SNN: variants seen among roughly 807,000 people sequenced by gnomAD.
SNN encodes the protein AG8_1.
Under a neutral mutation model 5.3 loss-of-function variants are expected in SNN, and 5 were observed. That is an observed-to-expected ratio of 0.94 (90% CI 0.49 to 1.97). SNN has a LOEUF of 1.97. Among genes scored for constraint, SNN ranks in the 30% most tolerant of loss-of-function variants. SNN has a pLI of 0.01. For synonymous variants in SNN, 67 were observed against 52.1 expected, an observed-to-expected ratio of 1.29 and a Z score of -1.24; for missense variants, 127 against 121.6, an observed-to-expected ratio of 1.04 and a Z score of -0.21.
rs1054927271 is a variant in SNN, at chr16:11,677,493, T to C, written c.*1167T>C. The C allele has an allele frequency of 6.0e-6, 1 of 167,004 alleles. No individual in the cohort carries two copies. The highest frequency in any genetic ancestry group is 1.5e-5 in the Non-Finnish European group (1 of 68,126). 10.3% of individuals were successfully genotyped at this position (167,004 alleles called of 1,614,324 possible). On this transcript the variant is annotated 3_prime_UTR_variant, in exon 2 of 2. Coordinates refer to ENST00000329565, the MANE Select transcript of SNN (RefSeq NM_003498.6). The surrounding 1 kb of genome is among the most constrained non-coding windows in gnomAD (Gnocchi z 4.2). ...CAGGGAACATTTCTCACGTGCACAT[T>C]CCCCTAAGAGCCACCAGACTGCTTC...
chr16:11,671,493 C>T lies in SNN; in HGVS notation c.-86+2953C>T, dbSNP rs918995600. The stretch of plus-strand genomic sequence containing the variant: ...TCCCATCCTGCCTTCTGGCTTTTTG[C>T]TTCACCTCCCTGCGTGCGCCTCAGT... On this transcript the variant is annotated intron_variant, in intron 1 of 1. Coordinates refer to ENST00000329565, the MANE Select transcript of SNN (RefSeq NM_003498.6). This position sits in a 1 kb window ranked among gnomAD's most constrained non-coding sequence, Gnocchi z 4.7. 6.6e-6 allele frequency among the ~76,000 whole-genome samples: 1 copy of T among 152,150 alleles called. No individual in the cohort carries two copies. Among genetic ancestry groups the T allele is most frequent in the Non-Finnish European group, 1.5e-5 (1 of 68,004 alleles).
In SNN at chr16:11,671,057, A is replaced by G. The variant is rs530512532; in HGVS notation, c.-86+2517A>G. Reference sequence around the variant, plus strand: ...GGGGAGGAGTGGCCAAGGGCGGTGCAGGCCCCCGCTCACCTGGCATGGCTC... The same window carrying G: ...GGGGAGGAGTGGCCAAGGGCGGTGCGGGCCCCCGCTCACCTGGCATGGCTC... On this transcript the variant is annotated intron_variant, in intron 1 of 1. Transcript: ENST00000329565. The surrounding 1 kb of genome is among the most constrained non-coding windows in gnomAD (Gnocchi z 4.7). Among the ~76,000 whole-genome samples, 1 of 152,358 alleles carries G rather than the reference A, an allele frequency of 6.6e-6. No individual in the cohort carries two copies. Among genetic ancestry groups the G allele is most frequent in the African/African-American group, 2.4e-5 (1 of 41,582 alleles).
Position 11,679,128 on chromosome 16 carries a change from A to C in SNN, c.*2802A>C. The C allele has an allele frequency of 2.0e-6, 3 of 1,500,292 alleles. No individual in the cohort carries two copies. The highest frequency in any genetic ancestry group is 2.7e-6 in the Non-Finnish European group (3 of 1,104,748). The allele number at this position is 1,500,292 out of a possible 1,614,324, so 92.9% of individuals were successfully genotyped here. On this transcript the variant is annotated 3_prime_UTR_variant, in exon 2 of 2. Transcript: ENST00000329565. The surrounding 1 kb of genome is among the most constrained non-coding windows in gnomAD (Gnocchi z 4.6). ...ATCTTTATTTACAATAAATTTCAAT[A>C]AAATTTGCATAAATATATTCCCAAT... is the stretch of plus-strand genomic sequence containing the variant.
At position 11,678,933 on chromosome 16, in the gene SNN, G is replaced by C. The variant is rs1436272209; in HGVS notation, c.*2607G>C. The C allele has an allele frequency of 1.9e-5, 9 of 464,934 alleles. No individual in the cohort carries two copies. The highest frequency in any genetic ancestry group is 3.2e-5 in the Non-Finnish European group (8 of 252,986). The allele number at this position is 464,934 out of a possible 1,614,324, so 28.8% of individuals were successfully genotyped here. ...GTGGGGGCACAGGGAGGGAACTCTTGACACTGAGCCACTAAAATATGGACT... is the reference window on the plus strand; with the variant it reads ...GTGGGGGCACAGGGAGGGAACTCTTCACACTGAGCCACTAAAATATGGACT... On this transcript the variant is annotated 3_prime_UTR_variant, in exon 2 of 2. Transcript: ENST00000329565.
chr16:11,678,335 G>C lies in SNN; in HGVS notation c.*2009G>C, dbSNP rs576694862. The C allele has an allele frequency of 4.1e-4, 68 of 167,180 alleles. No homozygotes were observed. Among genetic ancestry groups the C allele is most frequent in the African/African-American group, 1.5e-3 (64 of 41,524 alleles). 10.4% of individuals were successfully genotyped at this position (167,180 alleles called of 1,614,324 possible). On this transcript the variant is annotated 3_prime_UTR_variant, in exon 2 of 2. Transcript: ENST00000329565. ...TCCCCTCACGTTTCAGAACTTCCAG[G>C]CTTTCTACCTCGACTCTCACCACAG...
intron 1 of SNN, among the ~76,000 whole-genome samples, chr16:11,669,821 G>A (rs147321734): frequency 9.7e-4 from 148 of 152,258 alleles, no homozygotes; most frequent in African/African-American, 3.4e-3. Flanking sequence ...AGAGCTCTGC[G>A]GGCTCCCGCT....
chr16:11,676,426 CACTT>C lies in SNN; in HGVS notation c.*101_*104del, dbSNP rs2050305079. ...GCTGCTGTCTGAGAGGAAGGGCTGACACTTGCTGGCATGGCCTCTGCGGGCTTCG... is the reference window on the plus strand; with the variant it reads ...GCTGCTGTCTGAGAGGAAGGGCTGACGCTGGCATGGCCTCTGCGGGCTTCG... On this transcript the variant is annotated 3_prime_UTR_variant, in exon 2 of 2. Transcript: ENST00000329565. 8.7e-6 allele frequency: 12 copies of C among 1,385,080 alleles called. No homozygotes were observed. In the East Asian group the frequency reaches 2.5e-4, roughly 29 times the overall value. 85.8% of individuals were successfully genotyped at this position (1,385,080 alleles called of 1,614,324 possible).
intron 1 of SNN, among the ~76,000 whole-genome samples, chr16:11,675,598 C>A (rs1353857387): frequency 1.3e-5 from 2 of 152,172 alleles, no homozygotes; most frequent in Admixed American, 1.3e-4. Context: ...CATCTCTGGC[C>A]ATTAGGAGGC....
In SNN at chr16:11,668,623, G is replaced by C. The variant is rs1460992786; in HGVS notation, c.-86+83G>C. 2.4e-4 allele frequency: 35 copies of C among 145,476 alleles called. 2 individuals are homozygous for C. The South Asian group carries it at 6.4e-3, about 27-fold the overall frequency. 9.0% of individuals were successfully genotyped at this position (145,476 alleles called of 1,614,324 possible). A position where few individuals can be genotyped will look rare whatever the true frequency, so the allele number is the denominator to read the frequency against. On this transcript the variant is annotated intron_variant, in intron 1 of 1. Transcript: ENST00000329565. The surrounding 1 kb of genome is among the most constrained non-coding windows in gnomAD (Gnocchi z 6.8). The stretch of plus-strand genomic sequence containing the variant: ...GGCGGGAAGGGGGAGGCCAGGACGA[G>C]GAGGGGCGCGCGCGGCGGCGGGGCC...
In SNN at chr16:11,678,531, A is replaced by AGTCACT. The variant is rs2050327794; in HGVS notation, c.*2205_*2206insGTCACT. ...CCAGTGAAGTTTCGGTTTTGAAGTGATTAAATGTCACTTCCTCATCAGTTT... is the reference window on the plus strand; with the variant it reads ...CCAGTGAAGTTTCGGTTTTGAAGTGAGTCACTTTAAATGTCACTTCCTCATCAGTTT... On this transcript the variant is annotated 3_prime_UTR_variant, in exon 2 of 2. Transcript: ENST00000329565. The AGTCACT allele has an allele frequency of 2.4e-5, 4 of 167,022 alleles. No homozygotes were observed. The highest frequency in any genetic ancestry group is 5.9e-5 in the Non-Finnish European group (4 of 68,200). The allele number at this position is 167,022 out of a possible 1,614,324, so 10.3% of individuals were successfully genotyped here.
At chr16:11,675,067 C>T (rs1371717646) in intron 1 of SNN, among the ~76,000 whole-genome samples, 1 of 152,034 alleles carries the variant, frequency 6.6e-6, no homozygotes, top group African/African-American at 2.4e-5. Context: ...GGGACTCTAC[C>T]GCCCAGCTTC....
At chr16:11,675,262 T>C (rs28712852) in intron 1 of SNN, among the ~76,000 whole-genome samples, 4,088 of 142,498 alleles carry the variant, frequency 0.029, 169 homozygotes, top group African/African-American at 0.097. Context: ...TTTTTTCTTT[T>C]TTTTTTTTTT....
rs2050269943 is a variant in SNN, at chr16:11,672,193, G to T, written c.-86+3653G>T. On this transcript the variant is annotated intron_variant, in intron 1 of 1. Coordinates refer to ENST00000329565, the MANE Select transcript of SNN (RefSeq NM_003498.6). The surrounding 1 kb of genome is among the most constrained non-coding windows in gnomAD (Gnocchi z 6.0). ...AGCACCTACTGTGTACCCGTGCAGG[G>T]CAGGGGTACAGCTGTGGGCGGGACA... is the stretch of plus-strand genomic sequence containing the variant. Among the ~76,000 whole-genome samples the T allele has an allele frequency of 6.6e-6, 1 of 152,220 alleles. No individual in the cohort carries two copies. Among genetic ancestry groups the T allele is most frequent in the Non-Finnish European group, 1.5e-5 (1 of 68,038 alleles).
At chr16:11,673,317 G>C (rs953627494) in intron 1 of SNN, among the ~76,000 whole-genome samples, 2 of 152,194 alleles carry the variant, frequency 1.3e-5, no homozygotes, top group African/African-American at 4.8e-5. Flanking sequence ...GCAGGGGACA[G>C]AGCAGGGCCA....
At chr16:11,673,095 G>A (rs1051414428) in intron 1 of SNN, among the ~76,000 whole-genome samples, 3 of 152,234 alleles carry the variant, frequency 2.0e-5, no homozygotes, top group Non-Finnish European at 2.9e-5. Flanking sequence ...GAGGGAGGTG[G>A]GAGGTGGGAG....
chr16:11,678,917 CAGGG>C lies in SNN; in HGVS notation c.*2597_*2600del. On this transcript the variant is annotated 3_prime_UTR_variant, in exon 2 of 2. Coordinates refer to ENST00000329565, the MANE Select transcript of SNN (RefSeq NM_003498.6). ...CACTGCAGAAGCAACAGTGGGGGCA[CAGGG>C]AGGGAACTCTTGACACTGAGCCACT... The C allele has an allele frequency of 2.4e-6, 1 of 423,006 alleles. No individual in the cohort carries two copies. The highest frequency in any genetic ancestry group is 2.8e-5 in the South Asian group (1 of 35,310). 26.2% of individuals were successfully genotyped at this position (423,006 alleles called of 1,614,324 possible). A position where few individuals can be genotyped will look rare whatever the true frequency, so the allele number is the denominator to read the frequency against.
At chr16:11,673,301 G>A (rs1293740516) in intron 1 of SNN, among the ~76,000 whole-genome samples, 13 of 152,166 alleles carry the variant, frequency 8.5e-5, no homozygotes, top group Admixed American at 1.3e-4. Context: ...AGGGTGGTCT[G>A]TACATGCAGG....
intron 1 of SNN, among the ~76,000 whole-genome samples, chr16:11,669,174 G>C (rs1302571360): frequency 6.6e-6 from 1 of 152,202 alleles, no homozygotes; most frequent in Admixed American, 6.5e-5. Context: ...TTGCTCCTCC[G>C]TGGAGTGGGG....
Position 11,676,407 on chromosome 16 carries a change from G to A in SNN, c.*81G>A. 2.7e-6 allele frequency: 4 copies of A among 1,472,164 alleles called. No homozygotes were observed. The highest frequency in any genetic ancestry group is 2.2e-5 in the Admixed American group (1 of 46,420). 91.2% of individuals were successfully genotyped at this position (1,472,164 alleles called of 1,614,324 possible). On this transcript the variant is annotated 3_prime_UTR_variant, in exon 2 of 2. Coordinates refer to ENST00000329565, the MANE Select transcript of SNN (RefSeq NM_003498.6). ...GGCAAAACCATACGGATGCGCTGCT[G>A]TCTGAGAGGAAGGGCTGACACTTGC...
Sources: allele counts gnomAD v4.1 joint callset (sites outside exome capture counted in the v4.1 genomes callset), GRCh38; gene constraint gnomAD v4.1.1; non-coding constraint Gnocchi (gnomAD v3.1); transcripts MANE v1.5; gene names NCBI Gene and HGNC (gene_info 2026-07-23, HGNC 2026-07-21).